ATP2B2: variants seen among roughly 807,000 people sequenced by gnomAD.
ATP2B2 encodes ATPase plasma membrane Ca2+ transporting 2, also known as plasma membrane calcium-transporting ATPase 2.
In ATP2B2, 15 loss-of-function variants were observed where a neutral mutation model predicts 120.0. That is an observed-to-expected ratio of 0.12 (90% CI 0.08 to 0.19). The LOEUF (loss-of-function observed/expected upper bound fraction) is 0.19, where lower values mean the gene tolerates loss of function less well. Among genes scored for constraint, ATP2B2 ranks in the 10% least tolerant of loss-of-function variants. The pLI, the probability that ATP2B2 is intolerant of heterozygous loss-of-function variation, is 1.00. For missense variants in ATP2B2, 1,045 were observed against 1,719.8 expected, an observed-to-expected ratio of 0.61 and a Z score of 6.94; for synonymous variants, 694 against 700.3, an observed-to-expected ratio of 0.99 and a Z score of 0.14.
chr3:10,401,967 G>C, intron 4 of ATP2B2, 124 bp downstream of exon 4: 1 of 1,493,256 alleles, frequency 6.7e-7, no homozygotes, highest in Non-Finnish European at 9.2e-7. Flanking sequence ...AAGACATCTT[G>C]GTTTGGGATC....
rs749117185 is a variant in ATP2B2 at position 10,449,400 on chromosome 3, C to T, written c.144G>A (p.Glu48=). The change falls in exon 2 of 23, where the codon GAG becomes GAA. Residue 48 remains glutamate (E), a synonymous_variant. Transcript: ENST00000360273. ...AGATGGCTTCGGTGTCCCCATAAGT[C>T]TCCTTGATCTTGACCACAGCCTCAG... The part of the protein sequence containing the change: ...RGTEAVVKIK[E]TYGDTEAICR... 6 of 1,614,264 alleles carry T rather than the reference C, an allele frequency of 3.7e-6. No individual in the cohort carries two copies. The highest frequency in any genetic ancestry group is 1.7e-5 in the Admixed American group (1 of 60,034).
intron 5 of ATP2B2, among the ~76,000 whole-genome samples, chr3:10,391,156 C>G (rs1210838408): frequency 6.6e-6 from 1 of 152,152 alleles, no homozygotes; most frequent in Non-Finnish European, 1.5e-5. Context: ...CACATGCTGC[C>G]CTCCACGCTC....
intron 2 of ATP2B2, among the ~76,000 whole-genome samples, chr3:10,602,148 C>A (rs530254348): frequency 6.6e-6 from 1 of 152,154 alleles, no homozygotes; most frequent in Non-Finnish European, 1.5e-5. Context: ...CTGCCCTGGC[C>A]TCTGCCCCCT....
chr3:10,418,832 C>T (rs1166938390), intron 2 of ATP2B2, among the ~76,000 whole-genome samples: 2 of 152,190 alleles, frequency 1.3e-5, no homozygotes, highest in Admixed American at 1.3e-4. Context: ...AGATTGCTCC[C>T]CCAGAGTCAC....
At chr3:10,541,385 T>C (rs2125495958) in intron 2 of ATP2B2, among the ~76,000 whole-genome samples, 1 of 152,300 alleles carries the variant, frequency 6.6e-6, no homozygotes, top group South Asian at 2.1e-4. Flanking sequence ...AATTCTTTAT[T>C]TGCTAGTTAT....
intron 1 of ATP2B2, among the ~76,000 whole-genome samples, chr3:10,491,461 A>G (rs912045262): frequency 6.6e-6 from 1 of 152,120 alleles, no homozygotes; most frequent in African/African-American, 2.4e-5. Context: ...CCTGACCCCA[A>G]GTGATCTGCC....
intron 2 of ATP2B2, among the ~76,000 whole-genome samples, chr3:10,568,617 C>A (rs2068059612): frequency 6.6e-6 from 1 of 152,292 alleles, no homozygotes; most frequent in African/African-American, 2.4e-5. Flanking sequence ...CAGAAATGTC[C>A]CTTTGGACTC....
intron 22 of ATP2B2, among the ~76,000 whole-genome samples, chr3:10,330,515 C>T (rs772089281): frequency 5.3e-5 from 8 of 152,244 alleles, no homozygotes; most frequent in Non-Finnish European, 7.3e-5. Flanking sequence ...AGCCCCAACT[C>T]GGAGTGGAGT....
intron 1 of ATP2B2, among the ~76,000 whole-genome samples, chr3:10,501,450 A>G (rs2066390812): frequency 6.7e-6 from 1 of 149,322 alleles, no homozygotes; most frequent in Non-Finnish European, 1.5e-5. Flanking sequence ...GGCTCACTGC[A>G]GCCTTGACCT....
At chr3:10,401,401 G>T (rs1259317180) in intron 4 of ATP2B2, among the ~76,000 whole-genome samples, 1 of 152,192 alleles carries the variant, frequency 6.6e-6, no homozygotes, top group Non-Finnish European at 1.5e-5. Context: ...TTCTTCTGTA[G>T]TCTCAGTTAT....
At chr3:10,697,687 T>C (rs1199512941) in intron 1 of ATP2B2, among the ~76,000 whole-genome samples, 4 of 152,160 alleles carry the variant, frequency 2.6e-5, no homozygotes, top group Non-Finnish European at 5.9e-5. Flanking sequence ...GGTTCTAGCA[T>C]TTTCTCGACA....
intron 1 of ATP2B2, among the ~76,000 whole-genome samples, chr3:10,456,469 C>T (rs1171726309): frequency 6.6e-6 from 1 of 152,154 alleles, no homozygotes; most frequent in African/African-American, 2.4e-5. Context: ...TTGGTTGACC[C>T]TCCCCAACAT....
In ATP2B2 at chr3:10,375,449, G is replaced by A. The variant is rs1198836153; in HGVS notation, c.1397C>T (p.Ser466Leu). Residue 466 changes from serine to leucine, a missense_variant, in exon 11 of 23, where the codon TCG (serine) becomes TTG (leucine). By Grantham distance (145) the Ser-to-Leu change is moderately radical. Coordinates refer to ENST00000360273, the MANE Select transcript of ATP2B2 (RefSeq NM_001001331.4). This position sits in a 1 kb window ranked among gnomAD's most constrained non-coding sequence, Gnocchi z 4.2. ...TCTCACCTTCACCGAATAGGCCAAC[G>A]AGATGGTGACGGCCAGAGGGAGCCC... ...PEGLPLAVTI[S>L]LAYSVKKMMK... The A allele has an allele frequency of 1.2e-6, 2 of 1,612,644 alleles. No individual in the cohort carries two copies. Among genetic ancestry groups the A allele is most frequent in the Non-Finnish European group, 8.5e-7 (1 of 1,179,908 alleles).
At chr3:10,543,514 TAA>T (rs1324372768) in intron 2 of ATP2B2, among the ~76,000 whole-genome samples, 3 of 152,228 alleles carry the variant, frequency 2.0e-5, no homozygotes, top group Non-Finnish European at 2.9e-5. Context: ...AGTAAATTGT[TAA>T]AGAGACTTGT....
Position 10,375,156 on chromosome 3 carries a change from T to C in ATP2B2, c.1416+274A>G, listed in dbSNP as rs1377066935. On this transcript the variant is annotated intron_variant, in intron 11 of 22. Coordinates refer to ENST00000360273, the MANE Select transcript of ATP2B2 (RefSeq NM_001001331.4). This position sits in a 1 kb window ranked among gnomAD's most constrained non-coding sequence, Gnocchi z 4.2. ...TTGGAAAAAGGTGACAATGTGGCAA[T>C]GCTGGGCCTGCACCCCTGCAAGGCG... Among the ~76,000 whole-genome samples the C allele has an allele frequency of 6.6e-6, 1 of 152,214 alleles. No individual in the cohort carries two copies.
At chr3:10,642,178 G>A (rs1488138438) in intron 1 of ATP2B2, among the ~76,000 whole-genome samples, 2 of 152,206 alleles carry the variant, frequency 1.3e-5, no homozygotes. Context: ...ATAAACTTGG[G>A]CAAAGTAGTC....
intron 1 of ATP2B2, among the ~76,000 whole-genome samples, chr3:10,476,867 G>A (rs2065223924): frequency 6.6e-6 from 1 of 152,228 alleles, no homozygotes; most frequent in African/African-American, 2.4e-5. Flanking sequence ...TGAGGAAGCA[G>A]ATGGAGGGTC....
intron 2 of ATP2B2, among the ~76,000 whole-genome samples, chr3:10,574,314 C>T (rs866613511): frequency 3.3e-5 from 5 of 152,138 alleles, no homozygotes; most frequent in African/African-American, 1.2e-4. Context: ...TGGGCTTCAC[C>T]GAGGTGGCTG....
At position 10,342,113 on chromosome 3, in the gene ATP2B2, G is replaced by A. The variant is rs555080222; in HGVS notation, c.2917+639C>T. On this transcript the variant is annotated intron_variant, in intron 19 of 22. Transcript: ENST00000360273. This position sits in a 1 kb window ranked among gnomAD's most constrained non-coding sequence, Gnocchi z 4.4. ...TGGGATTGCCTCCGAAGCATCTGTG[G>A]AAACCAGGCCAGTCTTGGCCCCAGC... Among the ~76,000 whole-genome samples, 10 of 152,342 alleles carry A rather than the reference G, an allele frequency of 6.6e-5. No individual in the cohort carries two copies. The highest frequency in any genetic ancestry group is 2.2e-4 in the African/African-American group (9 of 41,586).
Sources: gnomAD v4.1 joint callset for allele counts (sites outside exome capture counted in the v4.1 genomes callset) on GRCh38, gnomAD v4.1.1 for gene constraint, Gnocchi (gnomAD v3.1) non-coding constraint, MANE v1.5 for transcripts, NCBI Gene and HGNC (gene_info 2026-07-23, HGNC 2026-07-21) for gene names.